SH3PXD2A: variants seen among roughly 807,000 people sequenced by gnomAD.
SH3PXD2A encodes the protein SH3 and PX domains 2A.
In SH3PXD2A, 32 loss-of-function variants were observed where a neutral mutation model predicts 115.2. The ratio of observed to expected loss-of-function variants is 0.28; its 90% CI spans 0.21 to 0.37. The LOEUF (loss-of-function observed/expected upper bound fraction) is 0.37, where lower values mean the gene tolerates loss of function less well. Ranked by LOEUF, SH3PXD2A falls within the 10% of genes least tolerant of loss-of-function variation. The pLI is 1.00. For missense variants in SH3PXD2A, 1,328 were observed against 1,498.7 expected (o/e 0.89, Z 1.88); for synonymous variants, 610 against 629.1 (o/e 0.97, Z 0.45).
At chr10:103,655,787 A>G (rs1009313342) in intron 8 of SH3PXD2A, among the ~76,000 whole-genome samples, 1 of 151,368 alleles carries the variant, frequency 6.6e-6, no homozygotes, top group Non-Finnish European at 1.5e-5. Flanking sequence ...AAAAAAAAAA[A>G]AAAAAAAAAA....
At chr10:103,724,482 T>C (rs2038217759) in intron 4 of SH3PXD2A, 121 bp from the exon 5 acceptor site, 2 of 564,466 alleles carry the variant, frequency 3.5e-6, no homozygotes, top group Non-Finnish European at 6.3e-6. Flanking sequence ...ATGGAAGACA[T>C]GGTCAACCAG....
chr10:103,670,174 C>T (rs1462702577), intron 6 of SH3PXD2A, among the ~76,000 whole-genome samples: 2 of 152,062 alleles, frequency 1.3e-5, no homozygotes, highest in Non-Finnish European at 2.9e-5. Flanking sequence ...AGCCTGGCCC[C>T]CTTCTGGTTC....
intron 6 of SH3PXD2A, among the ~76,000 whole-genome samples, chr10:103,670,713 C>T (rs1011362550): frequency 6.6e-6 from 1 of 152,240 alleles, no homozygotes; most frequent in Non-Finnish European, 1.5e-5. Context: ...GAGGTTACAG[C>T]CCCTCCCCAG....
At chr10:103,849,685 C>A (rs778622736) in intron 1 of SH3PXD2A, among the ~76,000 whole-genome samples, 1 of 152,232 alleles carries the variant, frequency 6.6e-6, no homozygotes, top group African/African-American at 2.4e-5. Flanking sequence ...CTCTGGGAAT[C>A]CGCCTCTGGA....
rs2036140662 is a variant in SH3PXD2A at position 103,596,681 on chromosome 10, T to TCTCTCTCTCTC, written c.*5134_*5135insGAGAGAGAGAG. ...CACACACACTCTCTCTCTCTCTCTCTCTCTCACAACACATGGCCCTCAAAA... is the reference window on the plus strand; with the variant it reads ...CACACACACTCTCTCTCTCTCTCTCTCTCTCTCTCTCCTCTCACAACACATGGCCCTCAAAA... On this transcript the variant is annotated 3_prime_UTR_variant, in exon 15 of 15. Transcript: ENST00000369774. 1 of 127,060 alleles carries TCTCTCTCTCTC rather than the reference T, an allele frequency of 7.9e-6. No homozygotes were observed. Among genetic ancestry groups the TCTCTCTCTCTC allele is most frequent in the Non-Finnish European group, 1.8e-5 (1 of 55,648 alleles). 7.9% of individuals were successfully genotyped at this position (127,060 alleles called of 1,614,324 possible). A position where few individuals can be genotyped will look rare whatever the true frequency, so the allele number is the denominator to read the frequency against.
chr10:103,658,575 C>T (rs1429185050), intron 8 of SH3PXD2A, among the ~76,000 whole-genome samples: 1 of 152,208 alleles, frequency 6.6e-6, no homozygotes, highest in Non-Finnish European at 1.5e-5. Flanking sequence ...CACTTCATTT[C>T]TCTGGTTAGG....
At chr10:103,724,178 C>T (rs1271208452) in intron 5 of SH3PXD2A, 92 bp downstream of exon 5, 2 of 565,080 alleles carry the variant, frequency 3.5e-6, no homozygotes, top group East Asian at 6.9e-5. Context: ...TCACCTTCTG[C>T]TTGTGTTCCC....
rs778997216 is a variant in SH3PXD2A at position 103,602,351 on chromosome 10, C to G, written c.2867G>C (p.Gly956Ala). 3 of 1,613,162 alleles carry G rather than the reference C, an allele frequency of 1.9e-6. No homozygotes were observed. In the South Asian group the frequency reaches 3.3e-5, roughly 18 times the overall value. The change falls in exon 15 of 15, where the codon GGC (glycine) becomes GCC (alanine). Residue 956 changes from glycine (G) to alanine (A), a missense_variant. Physicochemically the swap from Gly to Ala is moderately conservative, Grantham distance 60. Coordinates refer to ENST00000369774, the MANE Select transcript of SH3PXD2A (RefSeq NM_001394015.1). ...TGGAGTGCCTGAGGTCTTGCCGAAG[C>G]CCCCGGGAGGTTTGGAGGGGATGGG... ...TPPIPSKPPG[G>A]FGKTSGTPAV...
At chr10:103,651,508 AT>A (rs1219598742) in intron 8 of SH3PXD2A, among the ~76,000 whole-genome samples, 1 of 152,176 alleles carries the variant, frequency 6.6e-6, no homozygotes, top group Non-Finnish European at 1.5e-5. Flanking sequence ...AAGAAGTGAA[AT>A]CTACAATGCA....
At chr10:103,661,515 G>A (rs973315648) in intron 7 of SH3PXD2A, 16 of 357,842 alleles carry the variant, frequency 4.5e-5, no homozygotes, top group Non-Finnish European at 6.3e-5. Context: ...CCTCCCTCTC[G>A]GGCCGGCAGG....
chr10:103,725,447 AT>A (rs1337313086), intron 4 of SH3PXD2A, among the ~76,000 whole-genome samples: 2 of 152,140 alleles, frequency 1.3e-5, no homozygotes, highest in Admixed American at 6.6e-5. Flanking sequence ...AACAGTAGTC[AT>A]GGCAAGTGCG....
chr10:103,627,185 T>A lies in SH3PXD2A; in HGVS notation c.622A>T (p.Thr208Ser). The A allele has an allele frequency of 1.9e-6, 3 of 1,610,924 alleles. No homozygotes were observed. Among genetic ancestry groups the A allele is most frequent in the South Asian group, 1.1e-5 (1 of 91,006 alleles). The change falls in exon 9 of 15, where the codon ACT (threonine) becomes TCT (serine). Residue 208 changes from threonine to serine, a missense_variant. Physicochemically the swap from Thr to Ser is moderately conservative, Grantham distance 58. This residue lies in a region of SH3PXD2A where 509 missense variants were observed against 628.3 expected (regional missense o/e 0.81). Coordinates refer to ENST00000369774, the MANE Select transcript of SH3PXD2A (RefSeq NM_001394015.1). The surrounding 1 kb of genome is among the most constrained non-coding windows in gnomAD (Gnocchi z 4.4). ...KNESGWWFVS[T>S]SEEQGWVPAT... The stretch of plus-strand genomic sequence containing the variant: ...GGGACCCAGCCCTGCTCCTCAGAAG[T>A]GCTCACGAACCACCAGCCTGCAGGG...
chr10:103,745,260 T>G (rs182240465), intron 3 of SH3PXD2A, among the ~76,000 whole-genome samples: 3 of 152,250 alleles, frequency 2.0e-5, no homozygotes, highest in African/African-American at 7.2e-5. Flanking sequence ...TTTGGTCCCC[T>G]AGATCCAGCT....
At chr10:103,711,647 G>C (rs1328956131) in intron 5 of SH3PXD2A, among the ~76,000 whole-genome samples, 1 of 152,224 alleles carries the variant, frequency 6.6e-6, no homozygotes, top group Non-Finnish European at 1.5e-5. Flanking sequence ...GACAGCAGCA[G>C]CAAGTGGGGC....
chr10:103,679,337 C>G (rs1338309827), intron 6 of SH3PXD2A, among the ~76,000 whole-genome samples: 1 of 152,252 alleles, frequency 6.6e-6, no homozygotes, highest in Non-Finnish European at 1.5e-5. Context: ...AGAAGGCAGG[C>G]ACAGCCAGAG....
intron 1 of SH3PXD2A, among the ~76,000 whole-genome samples, chr10:103,846,736 C>T (rs1211127512): frequency 6.6e-6 from 1 of 152,200 alleles, no homozygotes; most frequent in African/African-American, 2.4e-5. Context: ...GATCTCACGG[C>T]TTGAGGAGCC....
chr10:103,637,466 G>A lies in SH3PXD2A; in HGVS notation c.605-10264C>T, dbSNP rs75336459. ...GGTTTTGGTATCCAGGTGGGGAAGG[G>A]TGCATGGTGGAGCTAGGAAAAGAGG... On this transcript the variant is annotated intron_variant, in intron 8 of 14. Transcript: ENST00000369774. Among the ~76,000 whole-genome samples, 935 of 152,266 alleles carry A rather than the reference G, an allele frequency of 6.1e-3. 6 individuals carry two copies. The highest frequency in any genetic ancestry group is 8.7e-3 in the Non-Finnish European group (593 of 68,012).
At chr10:103,810,969 C>T (rs56395400) in intron 1 of SH3PXD2A, among the ~76,000 whole-genome samples, 21,367 of 144,992 alleles carry the variant, frequency 0.15, 2,103 homozygotes, top group Non-Finnish European at 0.21. Context: ...CACACACACA[C>T]ACACACACAC....
intron 4 of SH3PXD2A, among the ~76,000 whole-genome samples, chr10:103,734,802 CTTGT>C (rs745515292): frequency 1.3e-4 from 20 of 152,198 alleles, no homozygotes; most frequent in Non-Finnish European, 2.8e-4. Context: ...TTTTCATTTG[CTTGT>C]TTATTTAATA....
Sources: gnomAD v4.1 joint callset for allele counts (sites outside exome capture counted in the v4.1 genomes callset) on GRCh38, gnomAD v4.1.1 for gene constraint, gnomAD v4.1.1 regional missense constraint, Gnocchi (gnomAD v3.1) non-coding constraint, MANE v1.5 for transcripts, NCBI Gene and HGNC (gene_info 2026-07-23, HGNC 2026-07-21) for gene names.